The following MNAT1 variants were observed in gnomAD, a reference collection of about 807,000 sequenced individuals.
MNAT1 encodes CDK-activating kinase assembly factor MAT1.
MNAT1 carries 43 observed loss-of-function variants against 42.0 expected under a neutral mutation model. The ratio of observed to expected loss-of-function variants is 1.02; its 90% confidence interval spans 0.80 to 1.32. MNAT1 has a LOEUF of 1.32. MNAT1 is among the 40% of genes most tolerant of loss of function. MNAT1 has a pLI of 0.00. For synonymous variants in MNAT1, 118 were observed against 120.0 expected (o/e 0.98, Z 0.11); for missense variants, 306 against 350.4 (o/e 0.87, Z 1.01).
At chr14:60,746,641 C>T (rs1052533260) in intron 1 of MNAT1, among the ~76,000 whole-genome samples, 2 of 151,214 alleles carry the variant, frequency 1.3e-5, no homozygotes, top group Non-Finnish European at 1.5e-5. Flanking sequence ...GCTGATCACT[C>T]TGCAGAATAT....
At chr14:60,905,593 G>GC (rs1173536036) in intron 7 of MNAT1, among the ~76,000 whole-genome samples, 1 of 152,172 alleles carries the variant, frequency 6.6e-6, no homozygotes, top group Non-Finnish European at 1.5e-5. Context: ...AATTAAGGGA[G>GC]CCAGTGATGT....
intron 1 of MNAT1, among the ~76,000 whole-genome samples, chr14:60,763,911 T>C (rs1160244145): frequency 6.6e-6 from 1 of 152,226 alleles, no homozygotes; most frequent in Non-Finnish European, 1.5e-5. Context: ...TAAACTGTTT[T>C]GCTTCATGTA....
chr14:60,912,999 A>T, intron 7 of MNAT1, among the ~76,000 whole-genome samples: 1 of 152,112 alleles, frequency 6.6e-6, no homozygotes, highest in East Asian at 1.9e-4. Flanking sequence ...ACATAGTCAC[A>T]TATTTCTTGG....
intron 1 of MNAT1, among the ~76,000 whole-genome samples, chr14:60,756,274 A>G (rs1240184948): frequency 6.6e-6 from 1 of 152,246 alleles, no homozygotes; most frequent in African/African-American, 2.4e-5. Context: ...GAACATATGC[A>G]TTAAAGACAG....
rs534585424 is a variant in MNAT1, at chr14:60,949,095, T to C, written c.810-19134T>C. On this transcript the variant is annotated intron_variant, in intron 7 of 7. Transcript: ENST00000261245. ...ATATCTTTAAAGAAGGATGGACTTT[T>C]ATCCTCTTGATATTTATTTTATATT... Among the ~76,000 whole-genome samples, 3 of 152,316 alleles carry C rather than the reference T, an allele frequency of 2.0e-5. No homozygotes were observed. The South Asian group carries it at 6.2e-4, about 32-fold the overall frequency.
At chr14:60,825,135 C>T (rs1594781265) in intron 6 of MNAT1, among the ~76,000 whole-genome samples, 1 of 152,200 alleles carries the variant, frequency 6.6e-6, no homozygotes, top group African/African-American at 2.4e-5. Flanking sequence ...CTGGAACAGG[C>T]ATTTCTAAAA....
chr14:60,816,672 T>C (rs1401337126), intron 5 of MNAT1, among the ~76,000 whole-genome samples: 1 of 152,072 alleles, frequency 6.6e-6, no homozygotes, highest in Non-Finnish European at 1.5e-5. Context: ...CTTGAAAGGC[T>C]AAATCTGCAT....
chr14:60,876,873 A>G (rs2034446821), intron 6 of MNAT1, among the ~76,000 whole-genome samples: 1 of 152,064 alleles, frequency 6.6e-6, no homozygotes, highest in African/African-American at 2.4e-5. Context: ...GCTACTGAAA[A>G]TAATGCTGCT....
At chr14:60,833,860 G>GTTGGTCTATTCAGGGAA (rs1282408083) in intron 6 of MNAT1, among the ~76,000 whole-genome samples, 1 of 152,050 alleles carries the variant, frequency 6.6e-6, no homozygotes, top group African/African-American at 2.4e-5. Context: ...AGAACTTGTT[G>GTTGGTCTATTCAGGGAA]TTGGTCTATT....
intron 1 of MNAT1, among the ~76,000 whole-genome samples, chr14:60,791,942 G>C (rs2031834628): frequency 6.6e-6 from 1 of 152,072 alleles, no homozygotes; most frequent in Non-Finnish European, 1.5e-5. Context: ...TTAGGAAGGA[G>C]AGAAAAATAA....
At chr14:60,920,781 C>T (rs746182441) in intron 7 of MNAT1, among the ~76,000 whole-genome samples, 5 of 152,078 alleles carry the variant, frequency 3.3e-5, no homozygotes, top group African/African-American at 7.2e-5. Context: ...GTAGAGATGA[C>T]TTTATTTTCA....
intron 6 of MNAT1, among the ~76,000 whole-genome samples, chr14:60,839,223 C>T (rs906949461): frequency 6.6e-6 from 1 of 152,158 alleles, no homozygotes; most frequent in Non-Finnish European, 1.5e-5. Flanking sequence ...TGAGCCTGCC[C>T]GTGGCCACCC....
chr14:60,888,273 G>C (rs1164414069), intron 7 of MNAT1, among the ~76,000 whole-genome samples: 1 of 151,426 alleles, frequency 6.6e-6, no homozygotes, highest in African/African-American at 2.4e-5. Flanking sequence ...CTTCATCCCT[G>C]GGATGCAAGG....
chr14:60,945,808 T>TA (rs2036261010), intron 7 of MNAT1, among the ~76,000 whole-genome samples: 1 of 152,180 alleles, frequency 6.6e-6, no homozygotes, highest in African/African-American at 2.4e-5. Context: ...TGCACACAGA[T>TA]ACGGTGGCTT....
chr14:60,911,310 G>A (rs190627846), intron 7 of MNAT1, among the ~76,000 whole-genome samples: 2 of 152,046 alleles, frequency 1.3e-5, no homozygotes, highest in African/African-American at 4.8e-5. Flanking sequence ...AGGGTTTTTT[G>A]TGTCTCTATT....
intron 3 of MNAT1, among the ~76,000 whole-genome samples, chr14:60,801,548 A>G (rs1046975088): frequency 6.6e-6 from 1 of 152,248 alleles, no homozygotes; most frequent in East Asian, 1.9e-4. Context: ...GACATTTCTC[A>G]AAAGAAGACA....
At chr14:60,923,211 GGGTTTTCTAAAACAAA>G (rs2035697143) in intron 7 of MNAT1, among the ~76,000 whole-genome samples, 1 of 152,124 alleles carries the variant, frequency 6.6e-6, no homozygotes, top group South Asian at 2.1e-4. Context: ...ATCACCTAGA[GGGTTTTCTAAAACAAA>G]GATTGCTGGG....
intron 7 of MNAT1, among the ~76,000 whole-genome samples, chr14:60,882,145 A>G (rs1025915111): frequency 6.6e-6 from 1 of 152,126 alleles, no homozygotes; most frequent in Non-Finnish European, 1.5e-5. Context: ...TGGGTGACAA[A>G]AACAAAAACA....
chr14:60,911,712 A>G (rs2035368166), intron 7 of MNAT1, among the ~76,000 whole-genome samples: 1 of 152,078 alleles, frequency 6.6e-6, no homozygotes, highest in Non-Finnish European at 1.5e-5. Context: ...TTGTTCTTTT[A>G]CATTTGCTGA....
Sources: allele counts gnomAD v4.1 joint callset (sites outside exome capture counted in the v4.1 genomes callset), GRCh38; gene constraint gnomAD v4.1.1; transcripts MANE v1.5; gene names NCBI Gene and HGNC (gene_info 2026-07-23, HGNC 2026-07-21).